Variants in CSMD1 observed in about 807,000 individuals in gnomAD.
CSMD1 encodes CUB and sushi domain-containing protein 1.
In CSMD1, 213 loss-of-function variants were observed where a neutral mutation model predicts 417.5. That is an observed-to-expected ratio of 0.51 (90% CI 0.46 to 0.57). The LOEUF is 0.57. CSMD1 is among the 20% of genes least tolerant of loss of function. CSMD1 has a pLI of 0.00. For missense variants in CSMD1, 6,923 were observed against 4,529.7 expected, an observed-to-expected ratio of 1.53 and a Z score of -15.17; for synonymous variants, 2,862 against 1,736.8, an observed-to-expected ratio of 1.65 and a Z score of -16.11.
intron 5 of CSMD1, among the ~76,000 whole-genome samples, chr8:3,830,063 G>C (rs186324064): frequency 2.6e-5 from 4 of 152,158 alleles, no homozygotes; most frequent in Non-Finnish European, 4.4e-5. Context: ...GCTGACTTTT[G>C]ACAAATCACC....
chr8:3,888,365 C>G (rs1266533329), intron 5 of CSMD1, among the ~76,000 whole-genome samples: 1 of 152,198 alleles, frequency 6.6e-6, no homozygotes, highest in Non-Finnish European at 1.5e-5. Context: ...GTCAGATGAG[C>G]TCTAAACAAG....
intron 2 of CSMD1, among the ~76,000 whole-genome samples, chr8:4,513,531 C>T (rs777743582): frequency 3.9e-5 from 6 of 152,114 alleles, no homozygotes; most frequent in East Asian, 3.9e-4. Flanking sequence ...GAAGAACTCT[C>T]GTTTCATGAA....
chr8:4,362,155 T>G (rs991880893), intron 3 of CSMD1, among the ~76,000 whole-genome samples: 2 of 152,140 alleles, frequency 1.3e-5, no homozygotes, highest in African/African-American at 4.8e-5. Flanking sequence ...AGAGGGTAAT[T>G]CAATTTACAT....
At chr8:4,407,518 G>A (rs1336962363) in intron 3 of CSMD1, among the ~76,000 whole-genome samples, 1 of 152,124 alleles carries the variant, frequency 6.6e-6, no homozygotes, top group Non-Finnish European at 1.5e-5. Flanking sequence ...TTTTTACAGT[G>A]TTTAAATTCA....
At chr8:4,427,349 G>C (rs1041208347) in intron 2 of CSMD1, among the ~76,000 whole-genome samples, 2 of 152,076 alleles carry the variant, frequency 1.3e-5, no homozygotes, top group Admixed American at 6.6e-5. Flanking sequence ...AACTGTGTCA[G>C]GACACGGCAG....
intron 1 of CSMD1, among the ~76,000 whole-genome samples, chr8:4,813,820 T>C (rs572825761): frequency 6.6e-6 from 1 of 152,346 alleles, no homozygotes; most frequent in South Asian, 2.1e-4. Context: ...TTTCATCAGA[T>C]ACAAGGCAGT....
intron 1 of CSMD1, among the ~76,000 whole-genome samples, chr8:4,673,039 A>AAC (rs201724052): frequency 0.012 from 1,796 of 151,772 alleles, 14 homozygotes; most frequent in Non-Finnish European, 0.017. Flanking sequence ...ACGGTGACAC[A>AAC]ACACACACAC....
intron 2 of CSMD1, among the ~76,000 whole-genome samples, chr8:4,561,032 C>A (rs1798308147): frequency 6.6e-6 from 1 of 152,294 alleles, no homozygotes; most frequent in African/African-American, 2.4e-5. Flanking sequence ...TCAACCCATA[C>A]CAATCCACAG....
intron 25 of CSMD1, among the ~76,000 whole-genome samples, chr8:3,302,577 C>T (rs1461455148): frequency 6.6e-6 from 1 of 152,208 alleles, no homozygotes; most frequent in Non-Finnish European, 1.5e-5. Flanking sequence ...ACATCAAGTG[C>T]ACTGATCACT....
At chr8:4,171,409 T>C (rs1797757154) in intron 3 of CSMD1, among the ~76,000 whole-genome samples, 1 of 151,934 alleles carries the variant, frequency 6.6e-6, no homozygotes, top group Non-Finnish European at 1.5e-5. Flanking sequence ...TATTTGACCC[T>C]ATTAATTACT....
chr8:4,404,698 A>G (rs1471288463), intron 3 of CSMD1, among the ~76,000 whole-genome samples: 1 of 151,964 alleles, frequency 6.6e-6, no homozygotes, highest in Admixed American at 6.6e-5. Context: ...TATAATATTA[A>G]TATTTAAATT....
At chr8:4,183,015 G>T (rs956142542) in intron 3 of CSMD1, among the ~76,000 whole-genome samples, 1 of 152,158 alleles carries the variant, frequency 6.6e-6, no homozygotes, top group African/African-American at 2.4e-5. Flanking sequence ...GTAATTACAT[G>T]GGATGAGTAG....
intron 1 of CSMD1, among the ~76,000 whole-genome samples, chr8:4,709,604 G>A (rs370039539): frequency 2.0e-5 from 3 of 152,308 alleles, no homozygotes; most frequent in East Asian, 3.9e-4. Context: ...CTGTCCAAAG[G>A]CAAGAAACAA....
chr8:3,735,278 C>T (rs1796474633), intron 6 of CSMD1, among the ~76,000 whole-genome samples: 1 of 151,312 alleles, frequency 6.6e-6, no homozygotes, highest in Non-Finnish European at 1.5e-5. Context: ...CAAAACTTGG[C>T]TTATACATCA....
intron 2 of CSMD1, among the ~76,000 whole-genome samples, chr8:4,619,767 G>A (rs1003808791): frequency 6.6e-6 from 1 of 151,988 alleles, no homozygotes; most frequent in Non-Finnish European, 1.5e-5. Flanking sequence ...GGAAAACCAG[G>A]CATGTCCTCA....
At chr8:4,210,404 GA>G (rs1022353267) in intron 3 of CSMD1, among the ~76,000 whole-genome samples, 27 of 152,274 alleles carry the variant, frequency 1.8e-4, no homozygotes, top group African/African-American at 5.8e-4. Context: ...TTTTATAGTG[GA>G]AACTGGTGGG....
intron 3 of CSMD1, among the ~76,000 whole-genome samples, chr8:4,109,445 G>C (rs1801738324): frequency 6.6e-6 from 1 of 152,120 alleles, no homozygotes; most frequent in Non-Finnish European, 1.5e-5. Context: ...TTTGGGAATT[G>C]AGTACCACAC....
chr8:3,119,577 G>A (rs1817076772), intron 41 of CSMD1, among the ~76,000 whole-genome samples: 1 of 152,108 alleles, frequency 6.6e-6, no homozygotes, highest in African/African-American at 2.4e-5. Flanking sequence ...ACTCATTAAT[G>A]AGTAAGAATT....
chr8:4,933,720 C>G (rs920432736), intron 1 of CSMD1, among the ~76,000 whole-genome samples: 2 of 152,114 alleles, frequency 1.3e-5, no homozygotes, highest in African/African-American at 4.8e-5. Flanking sequence ...GATGAATGCA[C>G]AGATGGTGGT....
Sources: gnomAD v4.1 joint callset for allele counts (sites outside exome capture counted in the v4.1 genomes callset) on GRCh38, gnomAD v4.1.1 for gene constraint, MANE v1.5 for transcripts, NCBI Gene and HGNC (gene_info 2026-07-23, HGNC 2026-07-21) for gene names.